The following PATJ variants were observed in gnomAD, a reference collection of about 807,000 sequenced individuals.
PATJ encodes the protein inaD-like protein.
In PATJ, 190 loss-of-function variants were observed where a neutral mutation model predicts 224.9. The observed-to-expected ratio is 0.84, with a 90% CI of 0.75 to 0.95. PATJ has a LOEUF of 0.95. Among genes scored for constraint, PATJ ranks in the 40% least tolerant of loss-of-function variants. The pLI is 0.00. For synonymous variants in PATJ, 769 were observed against 820.3 expected, an observed-to-expected ratio of 0.94 and a Z score of 1.07; for missense variants, 2,121 against 2,270.3, an observed-to-expected ratio of 0.93 and a Z score of 1.34.
chr1:61,896,821 T>A (rs1028263700), intron 22 of PATJ, among the ~76,000 whole-genome samples: 1 of 152,172 alleles, frequency 6.6e-6, no homozygotes, highest in Non-Finnish European at 1.5e-5. Context: ...GTGCACTCTC[T>A]CCTGCTGCCA....
At chr1:61,796,671 T>TTTCTTTCTTTCTTTCTTTC (rs1557660334) in intron 10 of PATJ, among the ~76,000 whole-genome samples, 970 of 28,230 alleles carry the variant, frequency 0.034, 55 homozygotes, top group Admixed American at 0.062. Flanking sequence ...TCTTTCTTTC[T>TTTCTTTCTTTCTTTCTTTC]TTCTTTCTTT....
At chr1:61,921,346 CA>C (rs1307516388) in intron 26 of PATJ, among the ~76,000 whole-genome samples, 1 of 152,178 alleles carries the variant, frequency 6.6e-6, no homozygotes, top group East Asian at 1.9e-4. Flanking sequence ...CACTGTCTTT[CA>C]GTTCAGATTT....
At chr1:61,791,782 GTA>G (rs1480988357) in intron 9 of PATJ, among the ~76,000 whole-genome samples, 3 of 151,858 alleles carry the variant, frequency 2.0e-5, no homozygotes, top group African/African-American at 4.8e-5. Context: ...ATTGATTTCT[GTA>G]TATGTTTCAT....
chr1:61,752,457 G>A (rs1289139329), intron 1 of PATJ, among the ~76,000 whole-genome samples: 1 of 151,796 alleles, frequency 6.6e-6, no homozygotes, highest in Admixed American at 6.6e-5. Context: ...GGGATTACAG[G>A]CATCTGTCAC....
At position 61,864,621 on chromosome 1, in the gene PATJ, C is replaced by A; in HGVS notation, c.2823C>A (p.Cys941Ter). The A allele has an allele frequency of 6.3e-7, 1 of 1,590,892 alleles. No individual in the cohort carries two copies. Among genetic ancestry groups the A allele is most frequent in the Non-Finnish European group, 8.6e-7 (1 of 1,168,760 alleles). The change falls in exon 20 of 44, where the codon TGC (cysteine) becomes TGA (stop). Residue 941 changes from cysteine to a stop codon, truncating the protein, a stop_gained. Coordinates refer to ENST00000642238, the MANE Select transcript of PATJ (RefSeq NM_001350145.3). LOFTEE classifies it high-confidence loss of function. ...YSQEAQPYGYCPENVMKENFV... is the reference protein window; with the variant it reads ...YSQEAQPYGY Reference sequence around the variant, plus strand: ...AGGAGGCACAGCCGTATGGCTATTGCCCTGAAAATGTGGTAAGAGATTAGA... The same window carrying A: ...AGGAGGCACAGCCGTATGGCTATTGACCTGAAAATGTGGTAAGAGATTAGA...
At chr1:61,799,704 G>A (rs6699562) in intron 11 of PATJ, among the ~76,000 whole-genome samples, 5,339 of 151,972 alleles carry the variant, frequency 0.035, 135 homozygotes, top group Non-Finnish European at 0.053. Flanking sequence ...CCTCACCCCC[G>A]CTCCACCAGC....
chr1:61,854,974 A>C (rs972483641), intron 17 of PATJ, among the ~76,000 whole-genome samples: 1 of 152,228 alleles, frequency 6.6e-6, no homozygotes, highest in Non-Finnish European at 1.5e-5. Context: ...ACCTAAGGGT[A>C]CTATATCATA....
At chr1:62,136,048 A>G (rs1221783658) in intron 41 of PATJ, among the ~76,000 whole-genome samples, 1 of 64,076 alleles carries the variant, frequency 1.6e-5, no homozygotes, top group Non-Finnish European at 3.2e-5. Flanking sequence ...TTTTTTTGAG[A>G]CAGAGTTTCG....
At chr1:61,878,378 C>T (rs915353133) in intron 21 of PATJ, among the ~76,000 whole-genome samples, 5 of 152,052 alleles carry the variant, frequency 3.3e-5, no homozygotes, top group Admixed American at 6.6e-5. Flanking sequence ...CTGAGACTTC[C>T]GTTAATCCCA....
chr1:61,780,214 A>G (rs1055370124), intron 7 of PATJ, among the ~76,000 whole-genome samples: 2 of 152,084 alleles, frequency 1.3e-5, no homozygotes, highest in South Asian at 4.1e-4. Context: ...CTGTAATCCC[A>G]ACACTTTGGG....
Position 62,157,845 on chromosome 1 carries a change from AAAAAAAAAAAT to A in PATJ, c.5503-3060_5503-3050del, listed in dbSNP as rs1175737368. Among the ~76,000 whole-genome samples, 10 of 132,706 alleles carry A rather than the reference AAAAAAAAAAAT, an allele frequency of 7.5e-5. 1 individual carries two copies. The highest frequency in any genetic ancestry group is 5.3e-5 in the African/African-American group (2 of 37,580). The allele number at this position is 132,706 out of a possible 152,430, so 87.1% of individuals were successfully genotyped here. A position where few individuals can be genotyped will look rare whatever the true frequency, so the allele number is the denominator to read the frequency against. ...GACTCTGTCTCCAAAAAAAAAAAAA[AAAAAAAAAAAT>A]AATCCAAGCCAGCCTTAGGTCTTAG... On this transcript the variant is annotated intron_variant, in intron 43 of 43. Coordinates refer to ENST00000642238, the MANE Select transcript of PATJ (RefSeq NM_001350145.3).
At chr1:61,786,804 G>A (rs1465627436) in intron 7 of PATJ, among the ~76,000 whole-genome samples, 1 of 152,010 alleles carries the variant, frequency 6.6e-6, no homozygotes, top group East Asian at 1.9e-4. Flanking sequence ...AGCCTGACAT[G>A]GTGAAACCCC....
At chr1:61,988,272 TTAAC>T (rs1423920492) in intron 27 of PATJ, among the ~76,000 whole-genome samples, 10 of 152,224 alleles carry the variant, frequency 6.6e-5, no homozygotes. Flanking sequence ...ACTGATCTAA[TTAAC>T]TAATAAGTTA....
At position 61,875,384 on chromosome 1, in the gene PATJ, C is replaced by T. The variant is rs755777106; in HGVS notation, c.2959+18C>T. On this transcript the variant is annotated intron_variant, in intron 21 of 43. Transcript: ENST00000642238. Reference sequence around the variant, plus strand: ...GGATTTAGGTTTGTGACTTTTGTTTCTCATAAACACAAATTACATTATTTT... The same window carrying T: ...GGATTTAGGTTTGTGACTTTTGTTTTTCATAAACACAAATTACATTATTTT... 11 of 1,583,466 alleles carry T rather than the reference C, an allele frequency of 6.9e-6. No homozygotes were observed. The highest frequency in any genetic ancestry group is 3.7e-5 in the Admixed American group (2 of 53,650).
At chr1:62,120,426 C>A (rs10889286) in intron 37 of PATJ, among the ~76,000 whole-genome samples, 1 of 151,962 alleles carries the variant, frequency 6.6e-6, no homozygotes, top group Non-Finnish European at 1.5e-5. Flanking sequence ...AATTTTGATG[C>A]AGAATAATTT....
intron 27 of PATJ, among the ~76,000 whole-genome samples, chr1:61,970,300 G>A (rs78002816): frequency 0.021 from 3,123 of 150,846 alleles, 83 homozygotes; most frequent in African/African-American, 0.054. Context: ...CTCCCCCACC[G>A]ACACACGGGC....
At chr1:61,873,752 T>C (rs1666974874) in intron 20 of PATJ, among the ~76,000 whole-genome samples, 1 of 152,200 alleles carries the variant, frequency 6.6e-6, no homozygotes, top group Non-Finnish European at 1.5e-5. Context: ...CCACATGTTT[T>C]GTACAGATAA....
At chr1:62,039,279 C>T (rs1397627190) in intron 30 of PATJ, among the ~76,000 whole-genome samples, 2 of 151,998 alleles carry the variant, frequency 1.3e-5, no homozygotes, top group African/African-American at 4.8e-5. Flanking sequence ...ATGGACTGAC[C>T]TATCAAAATA....
chr1:61,848,621 G>A (rs1662340436), intron 17 of PATJ, among the ~76,000 whole-genome samples: 1 of 151,668 alleles, frequency 6.6e-6, no homozygotes, highest in Admixed American at 6.6e-5. Flanking sequence ...TCACTGTATT[G>A]CCCAGGGTGG....
Sources: gnomAD v4.1 joint callset for allele counts (sites outside exome capture counted in the v4.1 genomes callset) on GRCh38, gnomAD v4.1.1 for gene constraint, MANE v1.5 for transcripts, NCBI Gene and HGNC (gene_info 2026-07-23, HGNC 2026-07-21) for gene names.